The following GABRB1 variants were observed in gnomAD, a reference collection of about 807,000 sequenced individuals.
GABRB1 encodes gamma-aminobutyric acid receptor subunit beta-1.
In GABRB1, 17 loss-of-function variants were observed where a neutral mutation model predicts 51.6. The observed-to-expected ratio is 0.33, with a 90% confidence interval of 0.23 to 0.49. The LOEUF (loss-of-function observed/expected upper bound fraction) is 0.49, where lower values mean the gene tolerates loss of function less well. Among genes scored for constraint, GABRB1 ranks in the 20% least tolerant of loss-of-function variants. The probability of loss-of-function intolerance (pLI) is 0.99; values close to 1 mark genes in which losing one functional copy is unlikely to be tolerated. For synonymous variants in GABRB1, 247 were observed against 218.9 expected (o/e 1.13, Z -1.14); for missense variants, 410 against 600.6 (o/e 0.68, Z 3.32).
chr4:47,354,475 C>T (rs1218889959), intron 5 of GABRB1, among the ~76,000 whole-genome samples: 1 of 152,148 alleles, frequency 6.6e-6, no homozygotes, highest in Non-Finnish European at 1.5e-5. Flanking sequence ...TTCTTAGGGA[C>T]ATCTTTCCCA....
chr4:47,125,085 T>C (rs1435200532), intron 3 of GABRB1, among the ~76,000 whole-genome samples: 5 of 152,174 alleles, frequency 3.3e-5, no homozygotes, highest in African/African-American at 1.2e-4. Context: ...AACAAGCAAG[T>C]AAAACACCAC....
chr4:47,210,579 TA>T (rs2109809394), intron 4 of GABRB1, among the ~76,000 whole-genome samples: 1 of 152,326 alleles, frequency 6.6e-6, no homozygotes, highest in Non-Finnish European at 1.5e-5. Context: ...TAGAGACTAT[TA>T]ATTTTAACAA....
intron 3 of GABRB1, among the ~76,000 whole-genome samples, chr4:47,078,672 AG>A (rs1727677379): frequency 6.6e-6 from 1 of 152,170 alleles, no homozygotes; most frequent in Non-Finnish European, 1.5e-5. Context: ...AGTGAGCCTG[AG>A]GATACCTTTT....
chr4:47,203,801 C>A (rs547748452), intron 4 of GABRB1, among the ~76,000 whole-genome samples: 2 of 152,092 alleles, frequency 1.3e-5, no homozygotes, highest in East Asian at 3.9e-4. Context: ...TAGGTGGAGG[C>A]AAAACCTCAC....
At chr4:47,066,190 T>C (rs1727072718) in intron 3 of GABRB1, among the ~76,000 whole-genome samples, 1 of 152,248 alleles carries the variant, frequency 6.6e-6, no homozygotes, top group Non-Finnish European at 1.5e-5. Context: ...TATTACAGTC[T>C]ATTAAGTGTG....
chr4:47,027,209 C>A (rs1348690159), upstream of GABRB1, among the ~76,000 whole-genome samples: 3 of 151,390 alleles, frequency 2.0e-5, no homozygotes, highest in Non-Finnish European at 4.4e-5. Context: ...TAGAATTATA[C>A]CTGAAAGGAG....
intron 5 of GABRB1, among the ~76,000 whole-genome samples, chr4:47,364,875 A>G (rs1279357376): frequency 6.6e-6 from 1 of 152,122 alleles, no homozygotes; most frequent in Admixed American, 6.5e-5. Flanking sequence ...TTTGAGATAG[A>G]AAGTACAGAC....
At chr4:47,001,812 T>C (rs4695187) in intron 1 of GABRB1, among the ~76,000 whole-genome samples, 1 of 152,032 alleles carries the variant, frequency 6.6e-6, no homozygotes, top group Non-Finnish European at 1.5e-5. Flanking sequence ...TACGGGGATA[T>C]AAAATTAAAT....
chr4:47,150,244 T>C (rs1717369575), intron 3 of GABRB1, among the ~76,000 whole-genome samples: 1 of 142,132 alleles, frequency 7.0e-6, no homozygotes, highest in Non-Finnish European at 1.5e-5. Flanking sequence ...TTTGCATGTT[T>C]GGTGAGCATG....
At chr4:47,105,573 G>A (rs1309511340) in intron 3 of GABRB1, among the ~76,000 whole-genome samples, 1 of 152,136 alleles carries the variant, frequency 6.6e-6, no homozygotes, top group Non-Finnish European at 1.5e-5. Context: ...CAGTGGAGAT[G>A]TTATTTTCTT....
chr4:47,010,894 T>C (rs1208667478), intron 1 of GABRB1, among the ~76,000 whole-genome samples: 3 of 152,200 alleles, frequency 2.0e-5, no homozygotes, highest in Non-Finnish European at 2.9e-5. Flanking sequence ...GGAACATAGT[T>C]AGCACTAACA....
intron 4 of GABRB1, among the ~76,000 whole-genome samples, chr4:47,319,202 T>C (rs192030683): frequency 3.9e-5 from 6 of 152,288 alleles, no homozygotes; most frequent in African/African-American, 1.4e-4. Context: ...CTGAATATAC[T>C]GTAGTACTTT....
chr4:47,216,822 T>G (rs1720573286), intron 4 of GABRB1, among the ~76,000 whole-genome samples: 1 of 151,862 alleles, frequency 6.6e-6, no homozygotes, highest in South Asian at 2.1e-4. Flanking sequence ...AAACTTGAAT[T>G]TATGCATGCT....
rs1233225362 is a variant in GABRB1 at position 47,413,229 on chromosome 4, T to C, written c.1080+6303T>C. 4.6e-5 allele frequency among the ~76,000 whole-genome samples: 7 copies of C among 152,238 alleles called. No homozygotes were observed. In the East Asian group the frequency reaches 1.3e-3, roughly 29 times the overall value. On this transcript the variant is annotated intron_variant, in intron 8 of 8. Coordinates refer to ENST00000295454, the MANE Select transcript of GABRB1 (RefSeq NM_000812.4). Reference sequence around the variant, plus strand: ...AGGTCTCTGTTGCCCTTACTATCTGTCTAAATAATTTATTTCTATCTCCTG... The same window carrying C: ...AGGTCTCTGTTGCCCTTACTATCTGCCTAAATAATTTATTTCTATCTCCTG...
chr4:47,168,608 A>G (rs1353420595), intron 4 of GABRB1, among the ~76,000 whole-genome samples: 1 of 152,120 alleles, frequency 6.6e-6, no homozygotes, highest in Admixed American at 6.6e-5. Context: ...GTATACTTCT[A>G]TGAAGGGACC....
intron 3 of GABRB1, among the ~76,000 whole-genome samples, chr4:47,050,252 G>A (rs1726285331): frequency 6.6e-6 from 1 of 152,094 alleles, no homozygotes; most frequent in Non-Finnish European, 1.5e-5. Flanking sequence ...TTACCAGTTA[G>A]GCATAATGCA....
At chr4:47,037,867 T>C (rs1725666346) in intron 3 of GABRB1, among the ~76,000 whole-genome samples, 1 of 152,116 alleles carries the variant, frequency 6.6e-6, no homozygotes, top group African/African-American at 2.4e-5. Flanking sequence ...AATACCTTAC[T>C]CAGAAGTTAC....
intron 4 of GABRB1, among the ~76,000 whole-genome samples, chr4:47,250,883 C>CG (rs1364634245): frequency 6.6e-6 from 1 of 152,134 alleles, no homozygotes; most frequent in Non-Finnish European, 1.5e-5. Context: ...CCTTGCATTG[C>CG]GCTTCACATT....
intron 4 of GABRB1, among the ~76,000 whole-genome samples, chr4:47,246,329 CATATGTACATATATATATAT>C (rs1211578438): frequency 6.5e-4 from 19 of 29,038 alleles, no homozygotes; most frequent in African/African-American, 1.0e-3. Context: ...CACACACACA[CATATGTACATATATATATAT>C]ATATATATAT....
Sources: gnomAD v4.1 joint callset for allele counts (sites outside exome capture counted in the v4.1 genomes callset) on GRCh38, gnomAD v4.1.1 for gene constraint, MANE v1.5 for transcripts, NCBI Gene and HGNC (gene_info 2026-07-23, HGNC 2026-07-21) for gene names.